The following MRGPRX1 variants were observed in gnomAD, a reference collection of about 807,000 sequenced individuals.
The protein encoded by MRGPRX1 is mas-related G protein-coupled receptor member X1.
For missense variants in MRGPRX1, 411 were observed against 393.8 expected (o/e 1.04, Z -0.37); for synonymous variants, 208 against 170.4 (o/e 1.22, Z -1.72).
At position 18,934,185 on chromosome 11, in the gene MRGPRX1, G is replaced by A; in HGVS notation, c.600C>T (p.Ile200=). The A allele has an allele frequency of 6.2e-7, 1 of 1,610,744 alleles. No homozygotes were observed. The part of the protein sequence containing the change: ...VLCGSSLVLL[I]RILCGSRKIP... ...TCTTCCGGGATCCACAGAGAATCCT[G>A]ATCAGCAGGACCAGGCTGGACCCAC... The change falls in exon 2 of 2, where the codon ATC becomes ATT. Residue 200 remains isoleucine, a synonymous_variant. Transcript: ENST00000526914.
At chr11:18,936,219 C>T (rs1241623596) in intron 1 of MRGPRX1, among the ~76,000 whole-genome samples, 2 of 150,296 alleles carry the variant, frequency 1.3e-5, no homozygotes, top group African/African-American at 2.4e-5. Flanking sequence ...GACTCTGTGT[C>T]GATTATACAT....
intron 1 of MRGPRX1, among the ~76,000 whole-genome samples, chr11:18,937,721 C>T (rs1330223861): frequency 6.6e-6 from 1 of 151,538 alleles, no homozygotes; most frequent in African/African-American, 2.4e-5. Context: ...AGAGGCACCA[C>T]TGTACTTTCT....
At position 18,934,092 on chromosome 11, in the gene MRGPRX1, G is replaced by A. The variant is rs1266910036; in HGVS notation, c.693C>T (p.Pro231=). ...AAAATAGGAAAAACTGAATGCCAAA[G>A]GGCAGGCCACAGAGGAGGAAGACCA... ...TVLVFLLCGL[P]FGIQFFLFLW... is the part of the protein sequence containing the mutation. The change falls in exon 2 of 2, where the codon CCC becomes CCT. Residue 231 remains proline, a synonymous_variant. Transcript: ENST00000526914. 1.2e-6 allele frequency: 2 copies of A among 1,610,802 alleles called. No individual in the cohort carries two copies. Among genetic ancestry groups the A allele is most frequent in the Admixed American group, 1.7e-5 (1 of 59,384 alleles).
rs1016839146 is a variant in MRGPRX1, at chr11:18,933,980, G to T, written c.805C>A (p.Pro269Thr). The change falls in exon 2 of 2, where the codon CCC becomes ACC. Residue 269 changes from proline to threonine, a missense_variant. Pro to Thr is a conservative substitution (Grantham distance 38). Coordinates refer to ENST00000526914, the MANE Select transcript of MRGPRX1 (RefSeq NM_001393578.1). ...FLSALNSSAN[P>T]IIYFFVGSFR... ...GAGCCCACGAAGAAGTAAATGATGG[G>T]GTTGGCACTGCTGTTAAGAGCGGAC... is the stretch of plus-strand genomic sequence containing the variant. 2 of 1,610,986 alleles carry T rather than the reference G, an allele frequency of 1.2e-6. No individual in the cohort carries two copies. Among genetic ancestry groups the T allele is most frequent in the Non-Finnish European group, 1.7e-6 (2 of 1,178,248 alleles).
chr11:18,939,224 G>A (rs1038725115), intron 1 of MRGPRX1, 56 bp downstream of exon 1: 1 of 151,632 alleles, frequency 6.6e-6, no homozygotes, highest in African/African-American at 2.4e-5. Flanking sequence ...AAACAGAAAC[G>A]ATCTTATAGC....
intron 1 of MRGPRX1, among the ~76,000 whole-genome samples, chr11:18,936,980 G>C (rs1002616746): frequency 6.6e-6 from 1 of 151,418 alleles, no homozygotes; most frequent in African/African-American, 2.4e-5. Context: ...TACAGAATCA[G>C]AGACAGAGGC....
rs761278154 is a variant in MRGPRX1, at chr11:18,934,752, T to G, written c.33A>C (p.Glu11Asp). 1 of 1,596,076 alleles carries G rather than the reference T, an allele frequency of 6.3e-7. No homozygotes were observed. Among genetic ancestry groups the G allele is most frequent in the Non-Finnish European group, 8.5e-7 (1 of 1,170,766 alleles). Residue 11 changes from glutamate (E) to aspartate (D), a missense_variant, in exon 2 of 2, where the codon GAA (glutamate) becomes GAC (aspartate). Transcript: ENST00000526914. ...CCTCAGTTCCGTTGATTGGTGTCAG[T>G]TCTGTGTCCAAGGTTGAGATGGTTG... MDPTISTLDT[E>D]LTPINGTEET...
chr11:18,937,290 C>G (rs1020323282), intron 1 of MRGPRX1, among the ~76,000 whole-genome samples: 10 of 151,184 alleles, frequency 6.6e-5, no homozygotes, highest in Non-Finnish European at 1.5e-4. Flanking sequence ...TCTAGGGACT[C>G]GAGAGTAGCA....
intron 1 of MRGPRX1, among the ~76,000 whole-genome samples, chr11:18,936,392 T>G (rs1319214078): frequency 6.6e-6 from 1 of 151,120 alleles, no homozygotes; most frequent in Non-Finnish European, 1.5e-5. Flanking sequence ...AGCCATTTAG[T>G]AACAAATTCA....
At chr11:18,937,486 T>C (rs767615128) in intron 1 of MRGPRX1, among the ~76,000 whole-genome samples, 3 of 151,554 alleles carry the variant, frequency 2.0e-5, no homozygotes, top group Non-Finnish European at 2.9e-5. Flanking sequence ...ACAAAACCTA[T>C]GCACTTTCTC....
intron 1 of MRGPRX1, among the ~76,000 whole-genome samples, chr11:18,936,208 C>T (rs950278737): frequency 1.9e-4 from 28 of 150,810 alleles, no homozygotes; most frequent in East Asian, 5.8e-4. Flanking sequence ...ACACCCAGCA[C>T]GACTCTGTGT....
chr11:18,936,012 A>G (rs1481641026), intron 1 of MRGPRX1, among the ~76,000 whole-genome samples: 1 of 151,456 alleles, frequency 6.6e-6, no homozygotes, highest in Non-Finnish European at 1.5e-5. Flanking sequence ...CAGCTGATGG[A>G]GAGTTTATTA....
chr11:18,938,222 A>G (rs904384757), intron 1 of MRGPRX1, among the ~76,000 whole-genome samples: 1 of 151,572 alleles, frequency 6.6e-6, no homozygotes, highest in Non-Finnish European at 1.5e-5. Context: ...TTGAATTGCT[A>G]CAAAGAAATA....
At position 18,937,321 on chromosome 11, in the gene MRGPRX1, C is replaced by G. The variant is rs185236784; in HGVS notation, c.-26+1959G>C. ...TAGCAGTTTTTGGAATTCTGATGTA[C>G]GATGCCTTGGAGCTTCCCGCACTGA... On this transcript the variant is annotated intron_variant, in intron 1 of 1. Coordinates refer to ENST00000526914, the MANE Select transcript of MRGPRX1 (RefSeq NM_001393578.1). 2.6e-5 allele frequency among the ~76,000 whole-genome samples: 4 copies of G among 151,278 alleles called. 1 individual carries two copies. Among genetic ancestry groups the G allele is most frequent in the Non-Finnish European group, 5.9e-5 (4 of 67,766 alleles).
Position 18,934,509 on chromosome 11 carries a change from A to C in MRGPRX1, c.276T>G (p.His92Gln). The change falls in exon 2 of 2, where the codon CAT becomes CAG. Residue 92 changes from histidine (H) to glutamine (Q), a missense_variant. By Grantham distance (24) the His-to-Gln change is conservative. Coordinates refer to ENST00000526914, the MANE Select transcript of MRGPRX1 (RefSeq NM_001393578.1). ...YSLLSFISIP[H>Q]TISKILYPVM... ...CAGGATAGAGGATTTTAGAGATGGT[A>C]TGGGGGATACTGATGAAGCTTAACA... 6.2e-7 allele frequency: 1 copy of C among 1,610,578 alleles called. No homozygotes were observed. Among genetic ancestry groups the C allele is most frequent in the Admixed American group, 1.7e-5 (1 of 59,382 alleles).
chr11:18,936,274 A>C (rs1232471537), intron 1 of MRGPRX1, among the ~76,000 whole-genome samples: 8 of 150,726 alleles, frequency 5.3e-5, no homozygotes, highest in Non-Finnish European at 1.2e-4. Context: ...GATTAAATCC[A>C]AGTTGGCGGC....
At chr11:18,938,462 C>T (rs1479560441) in intron 1 of MRGPRX1, among the ~76,000 whole-genome samples, 1 of 151,454 alleles carries the variant, frequency 6.6e-6, no homozygotes, top group African/African-American at 2.4e-5. Flanking sequence ...AACTCACTAT[C>T]ACTAAGGCAA....
rs1411723634 is a variant in MRGPRX1, at chr11:18,937,861, G to GCATAGAAATGA, written c.-26+1418_-26+1419insTCATTTCTATG. The stretch of plus-strand genomic sequence containing the variant: ...ATTTTGGATGAATGCAAACATTTCT[G>GCATAGAAATGA]CATAGAAGTGACAGTAGAGAAAGAC... On this transcript the variant is annotated intron_variant, in intron 1 of 1. Coordinates refer to ENST00000526914, the MANE Select transcript of MRGPRX1 (RefSeq NM_001393578.1). Among the ~76,000 whole-genome samples the GCATAGAAATGA allele has an allele frequency of 2.6e-5, 4 of 151,646 alleles. No homozygotes were observed. In the East Asian group the frequency reaches 7.7e-4, roughly 29 times the overall value.
rs776577056 is a variant in MRGPRX1, at chr11:18,934,554, G to A, written c.231C>T (p.Ser77=). ...NLAAADFLFL[S]GRLIYSLLSF... Reference sequence around the variant, plus strand: ...TTAACAGGGAATATATAAGGCGGCCGCTGAGGAAGAGGAAGTCTGCTGCGG... The same window carrying A: ...TTAACAGGGAATATATAAGGCGGCCACTGAGGAAGAGGAAGTCTGCTGCGG... The change falls in exon 2 of 2, where the codon AGC becomes AGT. Residue 77 remains serine (S), a synonymous_variant. Transcript: ENST00000526914. The A allele has an allele frequency of 6.2e-7, 1 of 1,609,794 alleles. No individual in the cohort carries two copies. The highest frequency in any genetic ancestry group is 1.1e-5 in the South Asian group (1 of 90,636).
Sources: gnomAD v4.1 joint callset for allele counts (sites outside exome capture counted in the v4.1 genomes callset) on GRCh38, gnomAD v4.1.1 for gene constraint, MANE v1.5 for transcripts, NCBI Gene and HGNC (gene_info 2026-07-23, HGNC 2026-07-21) for gene names.